Variants in PRKN observed in about 807,000 individuals in gnomAD.
The protein encoded by PRKN is parkin RBR E3 ubiquitin protein ligase.
A neutral mutation model predicts 59.5 loss-of-function variants in PRKN; 56 were observed. The observed-to-expected ratio is 0.94, with a 90% confidence interval of 0.76 to 1.18. The LOEUF is 1.18. PRKN is among the 50% of genes most tolerant of loss of function. The pLI is 0.00. For synonymous variants in PRKN, 250 were observed against 222.1 expected, an observed-to-expected ratio of 1.13 and a Z score of -1.12; for missense variants, 657 against 596.4, an observed-to-expected ratio of 1.10 and a Z score of -1.06.
At chr6:162,225,185 T>G (rs184117022) in intron 3 of PRKN, among the ~76,000 whole-genome samples, 1 of 152,058 alleles carries the variant, frequency 6.6e-6, no homozygotes, top group Admixed American at 6.6e-5. Context: ...TGACCGAACT[T>G]TATAACAACC....
chr6:161,873,629 C>T (rs1186401045), intron 6 of PRKN, among the ~76,000 whole-genome samples: 1 of 151,634 alleles, frequency 6.6e-6, no homozygotes, highest in Non-Finnish European at 1.5e-5. Context: ...AAAATTAAAA[C>T]AACAACAACA....
intron 4 of PRKN, among the ~76,000 whole-genome samples, chr6:162,152,343 G>A (rs1782309468): frequency 6.6e-6 from 1 of 152,044 alleles, no homozygotes; most frequent in African/African-American, 2.4e-5. Flanking sequence ...AGAACCAGTG[G>A]AACTACTGTT....
intron 6 of PRKN, among the ~76,000 whole-genome samples, chr6:161,957,870 G>A (rs1403953331): frequency 1.3e-5 from 2 of 152,144 alleles, no homozygotes; most frequent in African/African-American, 2.4e-5. Context: ...AAGTCCTCCC[G>A]TGCAGGTCAA....
At chr6:161,805,989 C>T (rs547860373) in intron 6 of PRKN, among the ~76,000 whole-genome samples, 3 of 152,328 alleles carry the variant, frequency 2.0e-5, no homozygotes, top group Non-Finnish European at 2.9e-5. Context: ...TTAGGGTCGA[C>T]GAGTTCTTCC....
chr6:161,956,368 A>G (rs1780169472), intron 6 of PRKN, among the ~76,000 whole-genome samples: 1 of 152,344 alleles, frequency 6.6e-6, no homozygotes, highest in Non-Finnish European at 1.5e-5. Context: ...GGAAATGAAG[A>G]CTGGAAAACA....
chr6:161,818,970 G>A (rs781490041), intron 6 of PRKN, among the ~76,000 whole-genome samples: 1 of 152,172 alleles, frequency 6.6e-6, no homozygotes, highest in Non-Finnish European at 1.5e-5. Context: ...TAGGCCTGGA[G>A]ACATTCAATA....
At chr6:161,647,980 G>A (rs1043473639) in intron 7 of PRKN, among the ~76,000 whole-genome samples, 2 of 152,160 alleles carry the variant, frequency 1.3e-5, no homozygotes, top group African/African-American at 2.4e-5. Flanking sequence ...TGGTTTTATG[G>A]CTATAGCATT....
chr6:162,238,323 C>A (rs534958424), intron 3 of PRKN, among the ~76,000 whole-genome samples: 58 of 152,086 alleles, frequency 3.8e-4, no homozygotes, highest in Non-Finnish European at 6.5e-4. Flanking sequence ...ACCGTACAGC[C>A]CAGGTGTGCA....
intron 6 of PRKN, among the ~76,000 whole-genome samples, chr6:161,898,373 T>C (rs1219574033): frequency 1.3e-5 from 2 of 152,186 alleles, no homozygotes; most frequent in Non-Finnish European, 2.9e-5. Context: ...CGAGCAATAA[T>C]ATTTACGCAT....
chr6:162,230,670 G>A (rs1778382548), intron 3 of PRKN, among the ~76,000 whole-genome samples: 2 of 152,306 alleles, frequency 1.3e-5, no homozygotes, highest in Middle Eastern at 3.4e-3. Flanking sequence ...AACAATAGAG[G>A]AGGGTCACAG....
intron 9 of PRKN, among the ~76,000 whole-genome samples, chr6:161,540,736 A>G (rs945383049): frequency 3.3e-5 from 5 of 152,254 alleles, no homozygotes; most frequent in Non-Finnish European, 7.3e-5. Context: ...TACAGAGTTT[A>G]GGAAATGCTG....
In PRKN at chr6:162,410,878, C is replaced by A. The variant is rs533195812; in HGVS notation, c.171+32432G>T. On this transcript the variant is annotated intron_variant, in intron 2 of 11. Coordinates refer to ENST00000366898, the MANE Select transcript of PRKN (RefSeq NM_004562.3). ...AGGCTCATGAGGATGAGGACTGTGA[C>A]AGGGAAGAAGGAGGTGACAGGGAAA... Among the ~76,000 whole-genome samples, 26 of 152,220 alleles carry A rather than the reference C, an allele frequency of 1.7e-4. 1 individual carries two copies. The South Asian group carries it at 5.2e-3, about 30-fold the overall frequency.
In PRKN at chr6:161,570,053, C is replaced by T. The variant is rs1238910521; in HGVS notation, c.872-637G>A. On this transcript the variant is annotated intron_variant, in intron 7 of 11. Transcript: ENST00000366898. Reference sequence around the variant, plus strand: ...GGTGCCTATCACTTTCTCGTTCCACCCAATCAATCCAAGCTCCTTCAGACT... The same window carrying T: ...GGTGCCTATCACTTTCTCGTTCCACTCAATCAATCCAAGCTCCTTCAGACT... 5.4e-5 allele frequency among the ~76,000 whole-genome samples: 8 copies of T among 148,342 alleles called. No individual in the cohort carries two copies. In the South Asian group the frequency reaches 1.3e-3, roughly 24 times the overall value.
intron 3 of PRKN, among the ~76,000 whole-genome samples, chr6:162,261,147 G>A (rs563305680): frequency 9.2e-5 from 14 of 152,130 alleles, no homozygotes; most frequent in Non-Finnish European, 1.6e-4. Flanking sequence ...TTCAGTTGGT[G>A]CCTTCTCAAG....
chr6:162,479,467 G>A (rs574251359), intron 1 of PRKN, among the ~76,000 whole-genome samples: 15 of 152,218 alleles, frequency 9.9e-5, no homozygotes, highest in Middle Eastern at 3.4e-3. Context: ...TATCTCAGGT[G>A]ATTTGCCCAC....
chr6:162,396,877 G>A (rs1252297243), intron 2 of PRKN, among the ~76,000 whole-genome samples: 1 of 152,086 alleles, frequency 6.6e-6, no homozygotes, highest in Non-Finnish European at 1.5e-5. Flanking sequence ...CAAGTCTGAT[G>A]CATTTAGGTT....
chr6:162,638,739 C>CTTT (rs370517141), intron 1 of PRKN, among the ~76,000 whole-genome samples: 1 of 99,644 alleles, frequency 1.0e-5, no homozygotes, highest in Non-Finnish European at 1.9e-5. Context: ...CTAACTATCC[C>CTTT]TTTTTTTTTT....
intron 5 of PRKN, among the ~76,000 whole-genome samples, chr6:162,038,744 G>T (rs544807386): frequency 6.6e-6 from 1 of 152,292 alleles, no homozygotes; most frequent in East Asian, 1.9e-4. Context: ...AGAGACCAGG[G>T]TATAACCTCA....
intron 1 of PRKN, among the ~76,000 whole-genome samples, chr6:162,494,836 C>T (rs977684015): frequency 6.6e-6 from 1 of 152,126 alleles, no homozygotes; most frequent in Non-Finnish European, 1.5e-5. Flanking sequence ...CTATGTCGTA[C>T]CAGGGACTAA....
Sources: gnomAD v4.1 joint callset for allele counts (sites outside exome capture counted in the v4.1 genomes callset) on GRCh38, gnomAD v4.1.1 for gene constraint, MANE v1.5 for transcripts, NCBI Gene and HGNC (gene_info 2026-07-23, HGNC 2026-07-21) for gene names.